Variants in TVP23C observed in about 807,000 individuals in gnomAD.
TVP23C encodes the protein Golgi apparatus membrane protein TVP23 homolog C.
Under a neutral mutation model 28.7 loss-of-function variants are expected in TVP23C, and 19 were observed. The ratio of observed to expected loss-of-function variants is 0.66; its 90% CI spans 0.46 to 0.97. The LOEUF (loss-of-function observed/expected upper bound fraction) is 0.97. Among genes scored for constraint, TVP23C ranks in the 50% least tolerant of loss-of-function variants. TVP23C has a pLI of 0.00. For synonymous variants in TVP23C, 68 were observed against 81.7 expected, an observed-to-expected ratio of 0.83 and a Z score of 0.90; for missense variants, 186 against 241.3, an observed-to-expected ratio of 0.77 and a Z score of 1.52.
intron 1 of TVP23C, among the ~76,000 whole-genome samples, chr17:15,558,629 G>C (rs1245777876): frequency 6.8e-6 from 1 of 148,068 alleles, no homozygotes; most frequent in African/African-American, 2.4e-5. Flanking sequence ...GTGAGAGACA[G>C]AGATTTGAAC....
intron 5 of TVP23C, among the ~76,000 whole-genome samples, chr17:15,544,446 AG>A (rs1983555200): frequency 6.6e-6 from 1 of 152,052 alleles, no homozygotes; most frequent in Non-Finnish European, 1.5e-5. Flanking sequence ...CAAACAAGAG[AG>A]AAAGGAGGAA....
chr17:15,528,538 T>C (rs184642016), intron 5 of TVP23C, among the ~76,000 whole-genome samples: 33 of 152,322 alleles, frequency 2.2e-4, no homozygotes, highest in Non-Finnish European at 3.2e-4. Context: ...TCGTGGAGAA[T>C]GTTCCATGTT....
At chr17:15,535,668 T>C (rs889164029), downstream of TVP23C, among the ~76,000 whole-genome samples, 2 of 152,248 alleles carry the variant, frequency 1.3e-5, no homozygotes, top group African/African-American at 4.8e-5. Context: ...AATATTCACT[T>C]AATTACTACA....
In TVP23C at chr17:15,539,130, G is replaced by A. The variant is rs1597530305; in HGVS notation, c.*1282C>T. The A allele has an allele frequency of 5.2e-6, 5 of 964,296 alleles. No individual in the cohort carries two copies. Among genetic ancestry groups the A allele is most frequent in the Non-Finnish European group, 6.2e-6 (5 of 810,876 alleles). The allele number at this position is 964,296 out of a possible 1,614,324, so 59.7% of individuals were successfully genotyped here. A position where few individuals can be genotyped will look rare whatever the true frequency, so the allele number is the denominator to read the frequency against. Reference sequence around the variant, plus strand: ...CCCTCAGTACCACCCAGAAACTTGGGAGAAATGCAAATTATGAGACTCCAC... The same window carrying A: ...CCCTCAGTACCACCCAGAAACTTGGAAGAAATGCAAATTATGAGACTCCAC... On this transcript the variant is annotated 3_prime_UTR_variant, in exon 6 of 6. Transcript: ENST00000518321.
chr17:15,523,803 CG>C (rs1418986303), intron 5 of TVP23C, among the ~76,000 whole-genome samples: 1 of 151,874 alleles, frequency 6.6e-6, no homozygotes, highest in Non-Finnish European at 1.5e-5. Flanking sequence ...TTAGTAGAGA[CG>C]GGGATTCACC....
At chr17:15,524,313 A>G (rs1567634811) in intron 5 of TVP23C, among the ~76,000 whole-genome samples, 1 of 152,086 alleles carries the variant, frequency 6.6e-6, no homozygotes, top group Non-Finnish European at 1.5e-5. Context: ...CCTACTCCAA[A>G]TATGAGTTTT....
At chr17:15,549,790 C>A (rs1983809199) in intron 3 of TVP23C, among the ~76,000 whole-genome samples, 2 of 151,982 alleles carry the variant, frequency 1.3e-5, no homozygotes, top group South Asian at 4.2e-4. Flanking sequence ...AGATACAGAT[C>A]TGGGAGGCAA....
chr17:15,561,654 A>G (rs1393945686), intron 1 of TVP23C, among the ~76,000 whole-genome samples: 2 of 146,180 alleles, frequency 1.4e-5, no homozygotes, highest in Admixed American at 1.4e-4. Flanking sequence ...ATAAATAAAT[A>G]AATAAATAAA....
intron 1 of TVP23C, 85 bp from the exon 2 acceptor site, chr17:15,555,449 A>G: frequency 6.5e-7 from 1 of 1,549,924 alleles, no homozygotes; most frequent in Middle Eastern, 1.7e-4. Context: ...ATACTCATCA[A>G]AATAGAAGAT....
intron 5 of TVP23C, among the ~76,000 whole-genome samples, chr17:15,528,662 G>A (rs1424420028): frequency 4.0e-5 from 6 of 151,488 alleles, no homozygotes; most frequent in African/African-American, 1.2e-4. Flanking sequence ...CTGGAGTGCC[G>A]TGGCGTGATC....
chr17:15,531,804 T>C (rs1205637520), intron 5 of TVP23C, among the ~76,000 whole-genome samples: 1 of 152,224 alleles, frequency 6.6e-6, no homozygotes, highest in African/African-American at 2.4e-5. Flanking sequence ...TAGGCGGCTG[T>C]AATTGCTGTT....
intron 5 of TVP23C, among the ~76,000 whole-genome samples, chr17:15,506,485 C>T (rs1308342357): frequency 6.6e-6 from 1 of 152,190 alleles, no homozygotes; most frequent in Non-Finnish European, 1.5e-5. Context: ...TGGGCTCTAC[C>T]AATCAGCAGG....
At chr17:15,506,341 G>A (rs1191583189) in intron 5 of TVP23C, among the ~76,000 whole-genome samples, 1 of 152,144 alleles carries the variant, frequency 6.6e-6, no homozygotes, top group African/African-American at 2.4e-5. Context: ...TCAGCACCCT[G>A]TGTCTAGCTC....
At chr17:15,559,313 TAAAAAAAAAAAAA>T (rs56346847) in intron 1 of TVP23C, among the ~76,000 whole-genome samples, 1 of 105,164 alleles carries the variant, frequency 9.5e-6, no homozygotes, top group African/African-American at 3.3e-5. Context: ...GGTACAGATT[TAAAAAAAAAAAAA>T]AAAAAAAAAA....
At chr17:15,548,806 T>G (rs530949630) in intron 3 of TVP23C, among the ~76,000 whole-genome samples, 7 of 152,322 alleles carry the variant, frequency 4.6e-5, no homozygotes, top group African/African-American at 1.7e-4. Flanking sequence ...TATGCTATAT[T>G]TTTTCCTATA....
rs1983324748 is a variant in TVP23C at position 15,539,709 on chromosome 17, T to C, written c.*703A>G. 1.0e-6 allele frequency: 1 copy of C among 985,348 alleles called. No individual in the cohort carries two copies. Among genetic ancestry groups the C allele is most frequent in the Non-Finnish European group, 1.2e-6 (1 of 829,934 alleles). 61.0% of individuals were successfully genotyped at this position (985,348 alleles called of 1,614,324 possible). A position where few individuals can be genotyped will look rare whatever the true frequency, so the allele number is the denominator to read the frequency against. The stretch of plus-strand genomic sequence containing the variant: ...TGCTGAAAACCCTGATGTTGAGGTA[T>C]TATAGTAAAATCCTTATGTTCTAGG... On this transcript the variant is annotated 3_prime_UTR_variant, in exon 6 of 6. Transcript: ENST00000518321.
In TVP23C at chr17:15,514,612, C is replaced by G. The variant is rs112700464; in HGVS notation, c.463-11380G>C. Among the ~76,000 whole-genome samples the G allele has an allele frequency of 7.5e-3, 1,147 of 152,278 alleles. 10 individuals are homozygous for G. Among genetic ancestry groups the G allele is most frequent in the East Asian group, 0.042 (219 of 5,182 alleles). ...GTCAGGGAAATAGGCAAGCTGACAT[C>G]AGTGTGGCAGAGTATAATGTAGGCA... On this transcript the variant is annotated intron_variant, in intron 5 of 5. Transcript: ENST00000225576.
Position 15,539,257 on chromosome 17 carries a change from A to G in TVP23C, c.*1155T>C. 1.0e-6 allele frequency: 1 copy of G among 985,354 alleles called. No individual in the cohort carries two copies. Among genetic ancestry groups the G allele is most frequent in the Non-Finnish European group, 1.2e-6 (1 of 829,876 alleles). The allele number at this position is 985,354 out of a possible 1,614,324, so 61.0% of individuals were successfully genotyped here. On this transcript the variant is annotated 3_prime_UTR_variant, in exon 6 of 6. Coordinates refer to ENST00000518321, the MANE Select transcript of TVP23C (RefSeq NM_001135036.2). ...TCGAGTTTAAGAATCCCTGTCCTAC[A>G]TAATATCACTTGCCCAACCTACTGT...
chr17:15,557,970 A>G (rs1477783401), intron 1 of TVP23C, among the ~76,000 whole-genome samples: 1 of 148,632 alleles, frequency 6.7e-6, no homozygotes, highest in African/African-American at 2.4e-5. Context: ...TAAGGCTGAA[A>G]AGGTAAAATG....
Sources: allele counts gnomAD v4.1 joint callset (sites outside exome capture counted in the v4.1 genomes callset), GRCh38; gene constraint gnomAD v4.1.1; transcripts MANE v1.5; gene names NCBI Gene and HGNC (gene_info 2026-07-23, HGNC 2026-07-21).